TSHZ2: variants seen among roughly 807,000 people sequenced by gnomAD.
TSHZ2 encodes the protein teashirt homolog 2.
TSHZ2 carries 21 observed loss-of-function variants against 74.4 expected under a neutral mutation model. The observed-to-expected ratio is 0.28, with a 90% CI of 0.20 to 0.41. TSHZ2 has a LOEUF of 0.41. Ranked by LOEUF, TSHZ2 falls within the 10% of genes least tolerant of loss-of-function variation. The pLI is 1.00. For missense variants in TSHZ2, 1,244 were observed against 1,293.5 expected (o/e 0.96, Z 0.59); for synonymous variants, 540 against 515.3 (o/e 1.05, Z -0.65).
At chr20:53,281,443 C>G (rs1023580968) in intron 2 of TSHZ2, among the ~76,000 whole-genome samples, 1 of 152,208 alleles carries the variant, frequency 6.6e-6, no homozygotes, top group African/African-American at 2.4e-5. Flanking sequence ...GTAGGCCATA[C>G]AGTGTCTACT....
chr20:53,460,380 C>T (rs1355679994), intron 2 of TSHZ2, among the ~76,000 whole-genome samples: 1 of 152,198 alleles, frequency 6.6e-6, no homozygotes, highest in African/African-American at 2.4e-5. Context: ...AGTTCTCCAG[C>T]CTTGGTTTTC....
intron 1 of TSHZ2, among the ~76,000 whole-genome samples, chr20:52,985,288 C>T (rs1981712399): frequency 6.6e-6 from 1 of 152,064 alleles, no homozygotes; most frequent in South Asian, 2.1e-4. Context: ...CAAAACAGAC[C>T]TAATAAAAGG....
At chr20:53,257,295 A>C (rs1378643200) in intron 2 of TSHZ2, among the ~76,000 whole-genome samples, 1 of 152,256 alleles carries the variant, frequency 6.6e-6, no homozygotes, top group African/African-American at 2.4e-5. Context: ...TGGATAGACC[A>C]GTATTAGAGC....
chr20:53,199,791 G>C (rs911781803), intron 1 of TSHZ2, among the ~76,000 whole-genome samples: 14 of 152,192 alleles, frequency 9.2e-5, no homozygotes, highest in Non-Finnish European at 1.8e-4. Flanking sequence ...TGTATATCGG[G>C]GGCAGGAAGC....
intron 2 of TSHZ2, among the ~76,000 whole-genome samples, chr20:53,410,048 T>A (rs957972642): frequency 6.6e-6 from 1 of 152,038 alleles, no homozygotes; most frequent in African/African-American, 2.4e-5. Flanking sequence ...GGTTTCACCA[T>A]GTTGGCCAGG....
At chr20:53,337,975 T>A (rs1196849582) in intron 2 of TSHZ2, among the ~76,000 whole-genome samples, 1 of 152,224 alleles carries the variant, frequency 6.6e-6, no homozygotes, top group Non-Finnish European at 1.5e-5. Context: ...CAAAGCTATG[T>A]TGTCCATGTC....
chr20:53,106,949 C>T (rs963565345), intron 1 of TSHZ2, among the ~76,000 whole-genome samples: 4 of 151,934 alleles, frequency 2.6e-5, no homozygotes, highest in Middle Eastern at 3.4e-3. Flanking sequence ...CCGCCCACCT[C>T]GGCCTCCCAA....
intron 2 of TSHZ2, among the ~76,000 whole-genome samples, chr20:53,469,115 C>T (rs1158925529): frequency 7.9e-6 from 1 of 126,984 alleles, no homozygotes; most frequent in East Asian, 2.4e-4. Flanking sequence ...TTAGAATATT[C>T]GGTTTCACTT....
intron 2 of TSHZ2, among the ~76,000 whole-genome samples, chr20:53,471,157 T>C (rs991284929): frequency 5.3e-5 from 8 of 152,220 alleles, no homozygotes; most frequent in Non-Finnish European, 1.2e-4. Context: ...CCAGTCTCTT[T>C]CCATGCTCTA....
chr20:53,227,612 A>AT (rs994786230), intron 1 of TSHZ2, among the ~76,000 whole-genome samples: 2 of 151,892 alleles, frequency 1.3e-5, no homozygotes, highest in Admixed American at 6.6e-5. Context: ...CTGAAGGGTA[A>AT]TTTTTTTTAG....
chr20:53,124,477 T>A (rs542779930), intron 1 of TSHZ2, among the ~76,000 whole-genome samples: 1 of 152,224 alleles, frequency 6.6e-6, no homozygotes, highest in Non-Finnish European at 1.5e-5. Flanking sequence ...ACAGATCACA[T>A]TTTTGAAGAG....
chr20:53,000,521 T>C (rs1469763136), intron 1 of TSHZ2, among the ~76,000 whole-genome samples: 2 of 152,324 alleles, frequency 1.3e-5, no homozygotes, highest in East Asian at 3.9e-4. Flanking sequence ...TTCATGGATG[T>C]TACTGCTCAA....
Position 53,253,545 on chromosome 20 carries a change from AGAG to A in TSHZ2, c.102_104del (p.Glu34del), listed in dbSNP as rs747508364. 16 of 1,612,790 alleles carry A rather than the reference AGAG, an allele frequency of 9.9e-6. No homozygotes were observed. In the African/African-American group the frequency reaches 1.1e-4, roughly 11 times the overall value. On this transcript the variant is annotated inframe_deletion, in exon 2 of 3. Coordinates refer to ENST00000371497, the MANE Select transcript of TSHZ2 (RefSeq NM_173485.6). ...TGAAAGAAGAGGAGGAAATAAAAGAAGAGGAGGAGGAGGAGGACAGCGGTTCAG... is the reference window on the plus strand; with the variant it reads ...TGAAAGAAGAGGAGGAAATAAAAGAAGAGGAGGAGGAGGACAGCGGTTCAG...
intron 1 of TSHZ2, among the ~76,000 whole-genome samples, chr20:53,226,616 G>T (rs1989693602): frequency 6.6e-6 from 1 of 152,046 alleles, no homozygotes; most frequent in Admixed American, 6.6e-5. Context: ...TATTAACAAG[G>T]GTATTATTAT....
At chr20:53,480,408 A>T (rs1418615503) in intron 2 of TSHZ2, among the ~76,000 whole-genome samples, 2 of 151,740 alleles carry the variant, frequency 1.3e-5, no homozygotes, top group African/African-American at 4.8e-5. Flanking sequence ...TCTACAAAAA[A>T]ATTTAAAAAT....
intron 1 of TSHZ2, among the ~76,000 whole-genome samples, chr20:53,220,611 C>T (rs1244238294): frequency 1.3e-5 from 2 of 152,160 alleles, no homozygotes; most frequent in African/African-American, 4.8e-5. Context: ...ACAGCTGAGT[C>T]GTTGTACCAG....
chr20:53,421,852 T>G (rs964505652), intron 2 of TSHZ2, among the ~76,000 whole-genome samples: 36 of 151,870 alleles, frequency 2.4e-4, no homozygotes, highest in Admixed American at 5.2e-4. Flanking sequence ...CCGGCGAATT[T>G]TTGTATTTTT....
intron 1 of TSHZ2, among the ~76,000 whole-genome samples, chr20:53,135,703 G>A (rs1987230101): frequency 6.6e-6 from 1 of 151,924 alleles, no homozygotes; most frequent in South Asian, 2.1e-4. Context: ...TGGGCTCAAG[G>A]ATCCTCCCAC....
At chr20:53,469,048 TATA>T (rs1568931533) in intron 2 of TSHZ2, among the ~76,000 whole-genome samples, 7,662 of 93,718 alleles carry the variant, frequency 0.082, 467 homozygotes, top group East Asian at 0.13. Context: ...CGATATTTTA[TATA>T]TATATATATA....
Sources: gnomAD v4.1 joint callset for allele counts (sites outside exome capture counted in the v4.1 genomes callset) on GRCh38, gnomAD v4.1.1 for gene constraint, MANE v1.5 for transcripts, NCBI Gene and HGNC (gene_info 2026-07-23, HGNC 2026-07-21) for gene names.